Variants in MICAL3 observed in about 807,000 individuals in gnomAD.
MICAL3 encodes the protein [F-actin]-monooxygenase MICAL3.
Under a neutral mutation model 207.4 loss-of-function variants are expected in MICAL3, and 62 were observed. The observed-to-expected ratio is 0.30, with a 90% CI of 0.24 to 0.37. The LOEUF (loss-of-function observed/expected upper bound fraction) is 0.37, where lower values mean the gene tolerates loss of function less well. Ranked by LOEUF, MICAL3 falls within the 10% of genes least tolerant of loss-of-function variation. MICAL3 has a pLI of 1.00. For synonymous variants in MICAL3, 1,077 were observed against 1,069.3 expected, an observed-to-expected ratio of 1.01 and a Z score of -0.14; for missense variants, 2,368 against 2,635.6, an observed-to-expected ratio of 0.90 and a Z score of 2.22.
Position 17,817,992 on chromosome 22 carries a change from G to A in MICAL3, c.4669C>T (p.Arg1557Cys), listed in dbSNP as rs566055835. Residue 1557 changes from arginine to cysteine, a missense_variant, in exon 26 of 32, where the codon CGC (arginine) becomes TGC (cysteine). Around this residue, in one of 4 missense-constraint regions of MICAL3, gnomAD observed 1,770 missense variants for 1,863.2 expected, o/e 0.95. Transcript: ENST00000441493. ...PSCWPRPEKPRHPPLAKENGR... is the reference protein window; with the variant it reads ...PSCWPRPEKPCHPPLAKENGR... ...TTCTCCTTGGCCAGGGGCGGGTGGCGAGGCTTCTCGGGGCGCGGCCAGCAG... is the reference window on the plus strand; with the variant it reads ...TTCTCCTTGGCCAGGGGCGGGTGGCAAGGCTTCTCGGGGCGCGGCCAGCAG... 7 of 1,612,116 alleles carry A rather than the reference G, an allele frequency of 4.3e-6. No homozygotes were observed. The highest frequency in any genetic ancestry group is 2.2e-5 in the South Asian group (2 of 91,074).
chr22:17,853,074 C>CAA (rs35015407), intron 19 of MICAL3, among the ~76,000 whole-genome samples: 16 of 113,072 alleles, frequency 1.4e-4, no homozygotes, highest in South Asian at 1.4e-3. Context: ...GACTCCATCT[C>CAA]AAAAAAAAAA....
At chr22:17,856,708 G>A (rs1384589553) in intron 19 of MICAL3, among the ~76,000 whole-genome samples, 3 of 133,460 alleles carry the variant, frequency 2.2e-5, no homozygotes, top group Non-Finnish European at 4.6e-5. Context: ...TGCAAGCTCC[G>A]CTTCCCAGGT....
In MICAL3 at chr22:17,816,680, G is replaced by A; in HGVS notation, c.5445+10C>T. The A allele has an allele frequency of 1.3e-6, 2 of 1,549,640 alleles. No homozygotes were observed. The highest frequency in any genetic ancestry group is 8.7e-7 in the Non-Finnish European group (1 of 1,145,256). The stretch of plus-strand genomic sequence containing the variant: ...CCAGGCCCTGTGAAGCCCCCTGCCT[G>A]ACTACCCACCTCTCGCCGGGACTTC... On this transcript the variant is annotated intron_variant, in intron 27 of 31. Coordinates refer to ENST00000441493, the MANE Select transcript of MICAL3 (RefSeq NM_015241.3).
At chr22:17,914,813 T>C (rs1291486850) in intron 1 of MICAL3, among the ~76,000 whole-genome samples, 1 of 152,240 alleles carries the variant, frequency 6.6e-6, no homozygotes, top group Non-Finnish European at 1.5e-5. Flanking sequence ...TAACACAGTA[T>C]GTATCAGTTG....
chr22:17,830,689 G>C (rs895730461), intron 21 of MICAL3, among the ~76,000 whole-genome samples: 1 of 152,244 alleles, frequency 6.6e-6, no homozygotes, highest in Non-Finnish European at 1.5e-5. Flanking sequence ...AAGGCAGACA[G>C]GGTGTGGAGT....
At chr22:17,949,120 G>A (rs1167670147) in intron 1 of MICAL3, among the ~76,000 whole-genome samples, 1 of 151,348 alleles carries the variant, frequency 6.6e-6, no homozygotes, top group African/African-American at 2.4e-5. Flanking sequence ...TGAGGTGGGA[G>A]GATGGCTTGA....
intron 1 of MICAL3, among the ~76,000 whole-genome samples, chr22:17,958,862 C>A (rs1203306653): frequency 5.3e-5 from 8 of 151,816 alleles, no homozygotes; most frequent in Non-Finnish European, 4.4e-5. Context: ...CGCCACCACA[C>A]CCAGCTAATT....
rs886523982 is a variant in MICAL3, at chr22:17,896,834, C to A, written c.1096G>T (p.Val366Leu). 3 of 1,614,044 alleles carry A rather than the reference C, an allele frequency of 1.9e-6. No individual in the cohort carries two copies. In the African/African-American group the frequency reaches 4.0e-5, roughly 22 times the overall value. The change falls in exon 8 of 32, where the codon GTG (valine) becomes TTG (leucine). Residue 366 changes from valine (V) to leucine (L), a missense_variant. By Grantham distance (32) the Val-to-Leu change is conservative. This residue lies in a region of MICAL3 where 400 missense variants were observed against 547.0 expected (regional missense o/e 0.73). Transcript: ENST00000441493. The part of the protein sequence containing the change: ...FAINHYGQPD[V>L]AMFDFTCMYA... ...ATACAAGTGAAGTCAAACATGGCCA[C>A]ATCGGGCTGCCCATAGTGATTGATG...
intron 16 of MICAL3, among the ~76,000 whole-genome samples, chr22:17,883,111 T>G (rs571501507): frequency 6.6e-6 from 1 of 152,342 alleles, no homozygotes; most frequent in African/African-American, 2.4e-5. Context: ...CACCTTCCCC[T>G]GCAACAGATC....
chr22:17,836,037 C>G (rs1478962366), intron 20 of MICAL3, among the ~76,000 whole-genome samples: 1 of 152,098 alleles, frequency 6.6e-6, no homozygotes, highest in Non-Finnish European at 1.5e-5. Context: ...CCAGCAAAAT[C>G]CCTCCTTGTC....
intron 1 of MICAL3, among the ~76,000 whole-genome samples, chr22:17,981,524 TC>T (rs1050666152): frequency 3.0e-4 from 46 of 151,594 alleles, no homozygotes; most frequent in African/African-American, 1.1e-3. Flanking sequence ...AAATTTTTTT[TC>T]ATCACTTTCT....
At chr22:17,851,159 T>C (rs933293151) in intron 19 of MICAL3, among the ~76,000 whole-genome samples, 1 of 152,212 alleles carries the variant, frequency 6.6e-6, no homozygotes, top group Non-Finnish European at 1.5e-5. Context: ...GGATTTGAAA[T>C]ATTTTAACTC....
rs952163654 is a variant in MICAL3 at position 17,927,267 on chromosome 22, A to G, written c.-74-20381T>C. Among the ~76,000 whole-genome samples, 5 of 152,184 alleles carry G rather than the reference A, an allele frequency of 3.3e-5. No homozygotes were observed. The South Asian group carries it at 1.0e-3, about 32-fold the overall frequency. On this transcript the variant is annotated intron_variant, in intron 1 of 31. Coordinates refer to ENST00000441493, the MANE Select transcript of MICAL3 (RefSeq NM_015241.3). Reference sequence around the variant, plus strand: ...TGTAACATATACCATGACCTCATTCATTTTTATGGCTGAATAATAATTCCA... The same window carrying G: ...TGTAACATATACCATGACCTCATTCGTTTTTATGGCTGAATAATAATTCCA...
chr22:17,920,047 G>A (rs1932763327), intron 1 of MICAL3, among the ~76,000 whole-genome samples: 1 of 152,256 alleles, frequency 6.6e-6, no homozygotes, highest in Non-Finnish European at 1.5e-5. Flanking sequence ...AAGCCCAGGT[G>A]TCAGACAAGG....
At chr22:18,002,885 G>A (rs181161323) in intron 1 of MICAL3, among the ~76,000 whole-genome samples, 3 of 152,066 alleles carry the variant, frequency 2.0e-5, no homozygotes, top group African/African-American at 4.8e-5. Context: ...GGCTGGGCGC[G>A]GTGGCTCACG....
intron 1 of MICAL3, among the ~76,000 whole-genome samples, chr22:17,999,345 G>A (rs1383966014): frequency 6.6e-6 from 1 of 152,138 alleles, no homozygotes; most frequent in Non-Finnish European, 1.5e-5. Flanking sequence ...GGACCAAGAC[G>A]TGAGTTTCAT....
chr22:17,900,000 T>G (rs543012310), intron 6 of MICAL3, among the ~76,000 whole-genome samples: 28 of 152,298 alleles, frequency 1.8e-4, no homozygotes, highest in African/African-American at 6.0e-4. Context: ...AAAAAATAGA[T>G]GTAATGAAAA....
chr22:17,889,794 G>A (rs1401668217), intron 12 of MICAL3, among the ~76,000 whole-genome samples: 4 of 152,060 alleles, frequency 2.6e-5, no homozygotes, highest in African/African-American at 7.2e-5. Context: ...GAAATAGGGC[G>A]GGACCTGTCT....
Position 17,841,702 on chromosome 22 carries a change from C to G in MICAL3, c.2801+120G>C. On this transcript the variant is annotated intron_variant, in intron 20 of 31. Coordinates refer to ENST00000441493, the MANE Select transcript of MICAL3 (RefSeq NM_015241.3). This position sits in a 1 kb window ranked among gnomAD's most constrained non-coding sequence, Gnocchi z 4.2. The stretch of plus-strand genomic sequence containing the variant: ...CCTAAAAGGGACTGGGGAGAATGGA[C>G]TGCGGGCAGCAGGAAAGACAGGAGG... The G allele has an allele frequency of 1.0e-6, 1 of 1,004,178 alleles. No individual in the cohort carries two copies. The highest frequency in any genetic ancestry group is 1.5e-5 in the South Asian group (1 of 66,062). The allele number at this position is 1,004,178 out of a possible 1,614,324, so 62.2% of individuals were successfully genotyped here. A position where few individuals can be genotyped will look rare whatever the true frequency, so the allele number is the denominator to read the frequency against.
Sources: allele counts gnomAD v4.1 joint callset (sites outside exome capture counted in the v4.1 genomes callset), GRCh38; gene constraint gnomAD v4.1.1; regional missense constraint gnomAD v4.1.1; non-coding constraint Gnocchi (gnomAD v3.1); transcripts MANE v1.5; gene names NCBI Gene and HGNC (gene_info 2026-07-23, HGNC 2026-07-21).